The following NR3C1 variants were observed in gnomAD, a reference collection of about 807,000 sequenced individuals.
NR3C1 encodes nuclear receptor subfamily 3 group C member 1.
A neutral mutation model predicts 74.0 loss-of-function variants in NR3C1; 14 were observed. The observed-to-expected ratio is 0.19, with a 90% CI of 0.12 to 0.30. The LOEUF (loss-of-function observed/expected upper bound fraction) is 0.30. Among genes scored for constraint, NR3C1 ranks in the 10% least tolerant of loss-of-function variants. The probability of loss-of-function intolerance (pLI) is 1.00; values close to 1 mark genes in which losing one functional copy is unlikely to be tolerated. For missense variants in NR3C1, 695 were observed against 909.8 expected, an observed-to-expected ratio of 0.76 and a Z score of 3.04; for synonymous variants, 308 against 332.5, an observed-to-expected ratio of 0.93 and a Z score of 0.80.
chr5:143,285,896 A>G (rs1044489727), intron 7 of NR3C1, among the ~76,000 whole-genome samples: 3 of 151,886 alleles, frequency 2.0e-5, no homozygotes, highest in Non-Finnish European at 4.4e-5. Flanking sequence ...ACATGCATAA[A>G]CAACAACAAA....
Position 143,278,692 on chromosome 5 carries a change from T to C in NR3C1, c.*3197A>G, listed in dbSNP as rs1812682595. ...TCTGGAAGTTTGACAGATCAATGTA[T>C]TGTATAACAATATTTTTCATTCCAT... is the stretch of plus-strand genomic sequence containing the variant. On this transcript the variant is annotated 3_prime_UTR_variant, in exon 9 of 9. Transcript: ENST00000394464. The C allele has an allele frequency of 4.6e-5, 7 of 152,186 alleles. No homozygotes were observed. In the South Asian group the frequency reaches 1.4e-3, roughly 31 times the overall value. 9.4% of individuals were successfully genotyped at this position (152,186 alleles called of 1,614,324 possible).
rs1434153782 is a variant in NR3C1, at chr5:143,278,704, AT to A, written c.*3184del. On this transcript the variant is annotated 3_prime_UTR_variant, in exon 9 of 9. Transcript: ENST00000394464. ...ACAGATCAATGTATTGTATAACAAT[AT>A]TTTTCATTCCATGGTGATGTAGTTT... 1 of 152,132 alleles carries A rather than the reference AT, an allele frequency of 6.6e-6. No individual in the cohort carries two copies. The highest frequency in any genetic ancestry group is 1.9e-4 in the East Asian group (1 of 5,202). 9.4% of individuals were successfully genotyped at this position (152,132 alleles called of 1,614,324 possible).
chr5:143,366,642 C>T (rs1297968181), intron 2 of NR3C1, among the ~76,000 whole-genome samples: 1 of 151,670 alleles, frequency 6.6e-6, no homozygotes, highest in Non-Finnish European at 1.5e-5. Context: ...TTATGACTGA[C>T]CTTACAGCAA....
At chr5:143,294,059 T>C (rs1360170755) in intron 7 of NR3C1, 1 of 984,634 alleles carries the variant, frequency 1.0e-6, no homozygotes, top group Admixed American at 6.2e-5. Context: ...GACTGAAATA[T>C]TATTAATACT....
At chr5:143,290,351 A>G (rs1272252332) in intron 7 of NR3C1, among the ~76,000 whole-genome samples, 2 of 152,248 alleles carry the variant, frequency 1.3e-5, no homozygotes, top group African/African-American at 2.4e-5. Context: ...ACAAGGGCAG[A>G]GTTTAGTAGC....
upstream of NR3C1, chr5:143,405,351 C>T: frequency 1.0e-6 from 1 of 985,754 alleles, no homozygotes. Context: ...CGCGCTCAGA[C>T]TGACGGCGGC....
chr5:143,328,960 C>G (rs1204709851), intron 2 of NR3C1, among the ~76,000 whole-genome samples: 1 of 152,170 alleles, frequency 6.6e-6, no homozygotes, highest in African/African-American at 2.4e-5. Context: ...CCAAACTGTT[C>G]TAACCACTGC....
intron 2 of NR3C1, among the ~76,000 whole-genome samples, chr5:143,336,177 A>C (rs2151723971): frequency 6.6e-6 from 1 of 152,348 alleles, no homozygotes; most frequent in South Asian, 2.1e-4. Context: ...TGATGATATA[A>C]TCTGTGATGT....
chr5:143,317,316 G>A (rs1822346155), intron 2 of NR3C1, among the ~76,000 whole-genome samples: 1 of 152,144 alleles, frequency 6.6e-6, no homozygotes, highest in Non-Finnish European at 1.5e-5. Flanking sequence ...GTATACCATA[G>A]TAAGAGTGCA....
chr5:143,425,966 G>A (rs1751506801), intron 1 of NR3C1, among the ~76,000 whole-genome samples: 1 of 152,166 alleles, frequency 6.6e-6, no homozygotes, highest in African/African-American at 2.4e-5. Context: ...AGTGGCAACA[G>A]CCTAAGTGAT....
At chr5:143,385,902 C>T (rs1029790383) in intron 2 of NR3C1, among the ~76,000 whole-genome samples, 2 of 152,170 alleles carry the variant, frequency 1.3e-5, no homozygotes, top group Admixed American at 6.5e-5. Flanking sequence ...TATAGCAATG[C>T]CCCACTGTCC....
chr5:143,322,926 T>C (rs1823679868), intron 2 of NR3C1, among the ~76,000 whole-genome samples: 1 of 152,194 alleles, frequency 6.6e-6, no homozygotes, highest in South Asian at 2.1e-4. Flanking sequence ...CACTTCACAC[T>C]CAGGTCCCTA....
chr5:143,426,764 T>C (rs1751550421), intron 1 of NR3C1, among the ~76,000 whole-genome samples: 1 of 152,216 alleles, frequency 6.6e-6, no homozygotes, highest in South Asian at 2.1e-4. Flanking sequence ...AAATTAGTCA[T>C]TTTGAAATAT....
intron 2 of NR3C1, among the ~76,000 whole-genome samples, chr5:143,379,072 C>T (rs904538605): frequency 1.3e-5 from 2 of 152,172 alleles, no homozygotes; most frequent in African/African-American, 4.8e-5. Flanking sequence ...TCTTTTCTTA[C>T]AGGAAAATAC....
chr5:143,289,600 T>C (rs1413876971), intron 7 of NR3C1, among the ~76,000 whole-genome samples: 1 of 152,184 alleles, frequency 6.6e-6, no homozygotes, highest in African/African-American at 2.4e-5. Context: ...AAACTGTAAA[T>C]GTAATCCACT....
intron 1 of NR3C1, among the ~76,000 whole-genome samples, chr5:143,420,859 G>A (rs1291276717): frequency 2.0e-5 from 3 of 152,138 alleles, no homozygotes; most frequent in African/African-American, 7.2e-5. Context: ...CTGCAAAAGT[G>A]TATCCTTTGG....
intron 2 of NR3C1, among the ~76,000 whole-genome samples, chr5:143,315,517 A>G (rs1821893818): frequency 6.6e-6 from 1 of 152,064 alleles, no homozygotes; most frequent in Non-Finnish European, 1.5e-5. Flanking sequence ...ACTTTTCTTA[A>G]TTTGCCTTTT....
chr5:143,291,316 C>T (rs1288892170), intron 7 of NR3C1, among the ~76,000 whole-genome samples: 3 of 152,114 alleles, frequency 2.0e-5, no homozygotes, highest in Non-Finnish European at 4.4e-5. Context: ...ACCTCTACGT[C>T]CCAGGTTCAA....
rs1296531160 is a variant in NR3C1, at chr5:143,280,864, A to AAGTT, written c.*1021_*1024dup. The AAGTT allele has an allele frequency of 2.6e-5, 4 of 152,216 alleles. No individual in the cohort carries two copies. Among genetic ancestry groups the AAGTT allele is most frequent in the East Asian group, 1.9e-4 (1 of 5,202 alleles). 9.4% of individuals were successfully genotyped at this position (152,216 alleles called of 1,614,324 possible). A position where few individuals can be genotyped will look rare whatever the true frequency, so the allele number is the denominator to read the frequency against. ...GTTATCTGGAATCACAACTTTTAAG[A>AAGTT]AGTTATACAAACTACTTCAAAAGGT... On this transcript the variant is annotated 3_prime_UTR_variant, in exon 9 of 9. Transcript: ENST00000394464.
Sources: allele counts gnomAD v4.1 joint callset (sites outside exome capture counted in the v4.1 genomes callset), GRCh38; gene constraint gnomAD v4.1.1; transcripts MANE v1.5; gene names NCBI Gene and HGNC (gene_info 2026-07-23, HGNC 2026-07-21).